The following PPP3CA variants were observed in gnomAD, a reference collection of about 807,000 sequenced individuals.
PPP3CA encodes the protein protein phosphatase 3 catalytic subunit alpha.
PPP3CA carries 14 observed loss-of-function variants against 66.5 expected under a neutral mutation model. That is an observed-to-expected ratio of 0.21 (90% CI 0.14 to 0.33). The LOEUF is 0.33. Among genes scored for constraint, PPP3CA ranks in the 10% least tolerant of loss-of-function variants. The pLI, the probability that PPP3CA is intolerant of heterozygous loss-of-function variation, is 1.00. For missense variants in PPP3CA, 317 were observed against 639.5 expected, an observed-to-expected ratio of 0.50 and a Z score of 5.44; for synonymous variants, 232 against 226.2, an observed-to-expected ratio of 1.03 and a Z score of -0.23.
intron 6 of PPP3CA, among the ~76,000 whole-genome samples, chr4:101,086,800 G>A (rs1729692548): frequency 6.6e-6 from 1 of 152,186 alleles, no homozygotes; most frequent in Non-Finnish European, 1.5e-5. Flanking sequence ...GAATGCCTTA[G>A]GAGAGGAACA....
At chr4:101,052,329 T>C (rs1183679864) in intron 10 of PPP3CA, among the ~76,000 whole-genome samples, 2 of 152,044 alleles carry the variant, frequency 1.3e-5, no homozygotes, top group Non-Finnish European at 2.9e-5. Flanking sequence ...ATAAGAATCA[T>C]ACCAAACTAC....
rs1726560246 is a variant in PPP3CA at position 101,024,970 on chromosome 4, G to A, written c.*895C>T. 1.4e-5 allele frequency: 2 copies of A among 145,808 alleles called. No homozygotes were observed. The highest frequency in any genetic ancestry group is 5.2e-5 in the African/African-American group (2 of 38,280). 9.0% of individuals were successfully genotyped at this position (145,808 alleles called of 1,614,324 possible). A position where few individuals can be genotyped will look rare whatever the true frequency, so the allele number is the denominator to read the frequency against. On this transcript the variant is annotated 3_prime_UTR_variant, in exon 14 of 14. Transcript: ENST00000394854. ...ATTTTTTTTTTTTTTACAGAATATA[G>A]ATGCTTTATCACTGTACTTAATATG...
intron 1 of PPP3CA, among the ~76,000 whole-genome samples, chr4:101,275,571 A>G (rs920157921): frequency 3.3e-5 from 5 of 152,264 alleles, no homozygotes; most frequent in African/African-American, 1.2e-4. Flanking sequence ...TGAGAAAAAC[A>G]ACAAATGACT....
At position 101,124,727 on chromosome 4, in the gene PPP3CA, G is replaced by A. The variant is rs12510210; in HGVS notation, c.260-15649C>T. Reference sequence around the variant, plus strand: ...AAAGAAAGAAAGAAAGAAAGAAAGAGAAAGAAAGAAAGAAAGAAAGAAAGA... The same window carrying A: ...AAAGAAAGAAAGAAAGAAAGAAAGAAAAAGAAAGAAAGAAAGAAAGAAAGA... On this transcript the variant is annotated intron_variant, in intron 2 of 13. Coordinates refer to ENST00000394854, the MANE Select transcript of PPP3CA (RefSeq NM_000944.5). Among the ~76,000 whole-genome samples the A allele has an allele frequency of 9.7e-3, 481 of 49,588 alleles. 5 individuals are homozygous for A. Among genetic ancestry groups the A allele is most frequent in the African/African-American group, 0.03 (406 of 13,690 alleles). The allele number at this position is 49,588 out of a possible 152,430, so 32.5% of individuals were successfully genotyped here.
At chr4:101,082,670 C>T (rs1478494972) in intron 7 of PPP3CA, among the ~76,000 whole-genome samples, 4 of 152,162 alleles carry the variant, frequency 2.6e-5, no homozygotes, top group Admixed American at 2.6e-4. Context: ...CTAGTTAGAA[C>T]ATAAACTTTT....
At chr4:101,066,978 G>A (rs992563153) in intron 8 of PPP3CA, among the ~76,000 whole-genome samples, 1 of 152,154 alleles carries the variant, frequency 6.6e-6, no homozygotes, top group South Asian at 2.1e-4. Flanking sequence ...CTACTACCAA[G>A]GAGCTCCTTT....
intron 11 of PPP3CA, among the ~76,000 whole-genome samples, chr4:101,033,638 T>C (rs993190943): frequency 1.3e-5 from 2 of 151,942 alleles, no homozygotes; most frequent in Non-Finnish European, 2.9e-5. Context: ...TTTTGAGATA[T>C]AAACTTGGCA....
intron 1 of PPP3CA, among the ~76,000 whole-genome samples, chr4:101,300,482 T>C (rs1474861353): frequency 2.6e-5 from 4 of 152,168 alleles, no homozygotes; most frequent in Non-Finnish European, 4.4e-5. Flanking sequence ...TGTTTTAATG[T>C]TTTAAATTAA....
chr4:101,346,776 A>G lies in PPP3CA; in HGVS notation c.21T>C (p.Ile7=). 6.2e-7 allele frequency: 1 copy of G among 1,611,674 alleles called. No individual in the cohort carries two copies. The highest frequency in any genetic ancestry group is 8.5e-7 in the Non-Finnish European group (1 of 1,179,224). The change falls in exon 1 of 14, where the codon ATT becomes ATC. Residue 7 remains isoleucine, a synonymous_variant. Coordinates refer to ENST00000394854, the MANE Select transcript of PPP3CA (RefSeq NM_000944.5). ...TGTCGGTCGTCGACAACTTGGGATC[A>G]ATTGCCTTGGGCTCGGACATCTCCA... MSEPKA[I]DPKLSTTDRV...
intron 1 of PPP3CA, 85 bp downstream of exon 1, chr4:101,346,654 G>T: frequency 8.8e-7 from 1 of 1,130,256 alleles, no homozygotes; most frequent in East Asian, 2.5e-5. Context: ...CTGGGGCGGG[G>T]GAGGGGAGGA....
intron 1 of PPP3CA, among the ~76,000 whole-genome samples, chr4:101,280,291 T>C (rs1727638486): frequency 6.6e-6 from 1 of 152,170 alleles, no homozygotes; most frequent in Admixed American, 6.5e-5. Flanking sequence ...TGTGGGTATC[T>C]GGGAGAAAAG....
intron 1 of PPP3CA, among the ~76,000 whole-genome samples, chr4:101,288,996 TC>T: frequency 6.6e-6 from 1 of 151,942 alleles, no homozygotes; most frequent in East Asian, 1.9e-4. Context: ...TATCTGTCAC[TC>T]TCCAACTGCG....
intron 1 of PPP3CA, among the ~76,000 whole-genome samples, chr4:101,203,440 A>G (rs1725032791): frequency 2.6e-5 from 4 of 152,166 alleles, no homozygotes. Flanking sequence ...GGCTGCAGTG[A>G]GCCGAGTTCA....
rs191580784 is a variant in PPP3CA at position 101,057,391 on chromosome 4, T to A, written c.1156+3696A>T. Among the ~76,000 whole-genome samples, 13 of 152,302 alleles carry A rather than the reference T, an allele frequency of 8.5e-5. No individual in the cohort carries two copies. In the East Asian group the frequency reaches 2.1e-3, roughly 25 times the overall value. ...TTTAATTAAAACTTAAAACTTTCAT[T>A]TCTGTATTTCTTCTTAAATGGCAAA... On this transcript the variant is annotated intron_variant, in intron 10 of 13. Coordinates refer to ENST00000394854, the MANE Select transcript of PPP3CA (RefSeq NM_000944.5).
intron 1 of PPP3CA, among the ~76,000 whole-genome samples, chr4:101,307,316 G>A (rs1341274659): frequency 1.3e-5 from 2 of 152,044 alleles, no homozygotes; most frequent in Non-Finnish European, 2.9e-5. Flanking sequence ...TGGTCTGCAG[G>A]AACTGAAACA....
intron 6 of PPP3CA, among the ~76,000 whole-genome samples, chr4:101,085,525 A>T (rs1729625924): frequency 1.3e-5 from 2 of 152,260 alleles, no homozygotes; most frequent in South Asian, 4.1e-4. Flanking sequence ...CTAGGTTAAC[A>T]GCATTAAGTG....
chr4:101,110,601 T>C (rs1721637220), intron 2 of PPP3CA, among the ~76,000 whole-genome samples: 1 of 152,190 alleles, frequency 6.6e-6, no homozygotes, highest in Non-Finnish European at 1.5e-5. Context: ...GAGCATGAGA[T>C]ACACAGTAGA....
chr4:101,232,788 CTAT>C (rs1726005041), intron 1 of PPP3CA, among the ~76,000 whole-genome samples: 2 of 151,584 alleles, frequency 1.3e-5, no homozygotes, highest in South Asian at 4.1e-4. Flanking sequence ...TAAAAACATA[CTAT>C]TATTATTTTT....
intron 6 of PPP3CA, among the ~76,000 whole-genome samples, chr4:101,092,645 TTC>T (rs1168792846): frequency 6.6e-6 from 1 of 152,078 alleles, no homozygotes; most frequent in Non-Finnish European, 1.5e-5. Flanking sequence ...TGCCCATATG[TTC>T]TCTTTGTTCA....
Sources: allele counts gnomAD v4.1 joint callset (sites outside exome capture counted in the v4.1 genomes callset), GRCh38; gene constraint gnomAD v4.1.1; transcripts MANE v1.5; gene names NCBI Gene and HGNC (gene_info 2026-07-23, HGNC 2026-07-21).